The following CNTNAP2 variants were observed in gnomAD, a reference collection of about 807,000 sequenced individuals.
CNTNAP2 encodes contactin-associated protein-like 2.
CNTNAP2 carries 98 observed loss-of-function variants against 155.2 expected under a neutral mutation model. That is an observed-to-expected ratio of 0.63 (90% CI 0.54 to 0.75). The LOEUF is 0.75. Among genes scored for constraint, CNTNAP2 ranks in the 30% least tolerant of loss-of-function variants. The pLI, the probability that CNTNAP2 is intolerant of heterozygous loss-of-function variation, is 0.00. For synonymous variants in CNTNAP2, 651 were observed against 631.2 expected, an observed-to-expected ratio of 1.03 and a Z score of -0.47; for missense variants, 1,727 against 1,688.1, an observed-to-expected ratio of 1.02 and a Z score of -0.40.
At chr7:146,793,677 C>T (rs188293249) in intron 2 of CNTNAP2, among the ~76,000 whole-genome samples, 1 of 152,316 alleles carries the variant, frequency 6.6e-6, no homozygotes, top group Admixed American at 6.5e-5. Context: ...TTTGGGGGTT[C>T]CCCCTGGGTG....
chr7:147,183,947 C>A (rs539477462), intron 8 of CNTNAP2, among the ~76,000 whole-genome samples: 1 of 152,216 alleles, frequency 6.6e-6, no homozygotes, highest in South Asian at 2.1e-4. Flanking sequence ...CAGTAGTGAT[C>A]AGTGATGCAT....
chr7:147,528,874 A>AT (rs35262641), intron 11 of CNTNAP2, among the ~76,000 whole-genome samples: 14,047 of 152,216 alleles, frequency 0.092, 924 homozygotes, highest in Admixed American at 0.17. Context: ...ATCTTTTGTG[A>AT]TTTTTTAAAA....
At chr7:146,655,338 C>T (rs1037788339) in intron 1 of CNTNAP2, among the ~76,000 whole-genome samples, 2 of 138,038 alleles carry the variant, frequency 1.4e-5, no homozygotes, top group East Asian at 2.2e-4. Flanking sequence ...CACTTGAACT[C>T]GGGAGACAGA....
In CNTNAP2 at chr7:146,694,469, A is replaced by G. The variant is rs190537993; in HGVS notation, c.98-79802A>G. ...TTCTGTTACATTGATGTATTTGCCTATTCTTTCAATGATGCTACCCAGTCT... is the reference window on the plus strand; with the variant it reads ...TTCTGTTACATTGATGTATTTGCCTGTTCTTTCAATGATGCTACCCAGTCT... On this transcript the variant is annotated intron_variant, in intron 1 of 23. Coordinates refer to ENST00000361727, the MANE Select transcript of CNTNAP2 (RefSeq NM_014141.6). 4.3e-3 allele frequency among the ~76,000 whole-genome samples: 655 copies of G among 152,272 alleles called. 6 individuals are homozygous for G. The highest frequency in any genetic ancestry group is 0.015 in the African/African-American group (613 of 41,568).
chr7:148,251,401 A>C lies in CNTNAP2; in HGVS notation c.3382-15632A>C, dbSNP rs544810259. Among the ~76,000 whole-genome samples the C allele has an allele frequency of 2.0e-5, 3 of 152,340 alleles. No individual in the cohort carries two copies. In the South Asian group the frequency reaches 6.2e-4, roughly 32 times the overall value. ...CCTAAGGACACACTACCCTCCCTGCACATCAGTGTGTGACAATGCCCAGAG... is the reference window on the plus strand; with the variant it reads ...CCTAAGGACACACTACCCTCCCTGCCCATCAGTGTGTGACAATGCCCAGAG... On this transcript the variant is annotated intron_variant, in intron 20 of 23. Transcript: ENST00000361727.
At chr7:147,558,962 T>C (rs6464822) in intron 11 of CNTNAP2, among the ~76,000 whole-genome samples, 70,252 of 152,098 alleles carry the variant, frequency 0.46, 16,392 homozygotes, top group East Asian at 0.61. Context: ...AGGATGCTCT[T>C]AATCTCTTGA....
chr7:147,779,589 A>C (rs1797635456), intron 13 of CNTNAP2, among the ~76,000 whole-genome samples: 1 of 152,208 alleles, frequency 6.6e-6, no homozygotes, highest in Non-Finnish European at 1.5e-5. Context: ...CCCGAAGTGC[A>C]GGAAGATACA....
Position 147,977,858 on chromosome 7 carries a change from C to T in CNTNAP2, c.2256-4C>T. ...TTCTTTTTCTGTCTTTCCCTGTGATCCAGGAGGAAGGATGCTGGTTTCTTA... is the reference window on the plus strand; with the variant it reads ...TTCTTTTTCTGTCTTTCCCTGTGATTCAGGAGGAAGGATGCTGGTTTCTTA... On this transcript the variant is annotated splice_polypyrimidine_tract_variant and splice_region_variant and intron_variant, in intron 14 of 23. Coordinates refer to ENST00000361727, the MANE Select transcript of CNTNAP2 (RefSeq NM_014141.6). The T allele has an allele frequency of 6.2e-7, 1 of 1,613,994 alleles. No individual in the cohort carries two copies. Among genetic ancestry groups the T allele is most frequent in the Non-Finnish European group, 8.5e-7 (1 of 1,179,972 alleles).
chr7:146,825,882 A>G (rs1803390764), intron 2 of CNTNAP2, among the ~76,000 whole-genome samples: 3 of 152,186 alleles, frequency 2.0e-5, no homozygotes, highest in South Asian at 2.1e-4. Flanking sequence ...AAAAATTGGC[A>G]TATATAAATT....
At chr7:147,083,953 T>C (rs1324738624) in intron 4 of CNTNAP2, among the ~76,000 whole-genome samples, 1 of 94,840 alleles carries the variant, frequency 1.1e-5, no homozygotes, top group African/African-American at 3.3e-5. Context: ...TATAGCATTA[T>C]ATATAGCATT....
chr7:147,888,545 G>GT (rs1245860372), intron 13 of CNTNAP2, among the ~76,000 whole-genome samples: 1 of 151,744 alleles, frequency 6.6e-6, no homozygotes, highest in African/African-American at 2.4e-5. Context: ...GTGAATGATG[G>GT]CTAAAAATTG....
chr7:147,232,979 A>G (rs1275589422), intron 8 of CNTNAP2, among the ~76,000 whole-genome samples: 5 of 152,234 alleles, frequency 3.3e-5, no homozygotes, highest in African/African-American at 4.8e-5. Flanking sequence ...TTCTGTATTT[A>G]TGAACAAATT....
intron 1 of CNTNAP2, among the ~76,000 whole-genome samples, chr7:146,189,494 G>C (rs1282157817): frequency 6.6e-6 from 1 of 152,126 alleles, no homozygotes; most frequent in African/African-American, 2.4e-5. Flanking sequence ...TTAGTGGAAA[G>C]CTAAAAGTAT....
chr7:147,678,193 T>C (rs1470403739), intron 13 of CNTNAP2, among the ~76,000 whole-genome samples: 3 of 151,836 alleles, frequency 2.0e-5, no homozygotes, highest in East Asian at 3.9e-4. Flanking sequence ...GCCTTCAGTT[T>C]AGCTCATCAA....
rs377349703 is a variant in CNTNAP2 at position 146,603,281 on chromosome 7, G to A, written c.98-170990G>A. On this transcript the variant is annotated intron_variant, in intron 1 of 23. Coordinates refer to ENST00000361727, the MANE Select transcript of CNTNAP2 (RefSeq NM_014141.6). ...CAAAACATTAGCCGGGCGTGGTGGC[G>A]GGCGCCTGTAGTCCCAGCTACTCGA... is the stretch of plus-strand genomic sequence containing the variant. Among the ~76,000 whole-genome samples the A allele has an allele frequency of 5.6e-3, 847 of 150,748 alleles. 12 individuals carry two copies. The highest frequency in any genetic ancestry group is 0.018 in the African/African-American group (756 of 41,204).
chr7:147,135,331 A>G (rs1273689736), intron 8 of CNTNAP2, among the ~76,000 whole-genome samples: 1 of 151,758 alleles, frequency 6.6e-6, no homozygotes, highest in Non-Finnish European at 1.5e-5. Context: ...TGCAACATCA[A>G]CGTTTTCTGA....
intron 1 of CNTNAP2, among the ~76,000 whole-genome samples, chr7:146,536,208 A>G (rs532231150): frequency 6.6e-6 from 1 of 152,266 alleles, no homozygotes; most frequent in South Asian, 2.1e-4. Flanking sequence ...ATTACACAAT[A>G]TTCACTGGAA....
At chr7:148,267,261 A>G in intron 21 of CNTNAP2, 135 bp downstream of exon 21, 2 of 791,112 alleles carry the variant, frequency 2.5e-6, no homozygotes, top group Non-Finnish European at 4.3e-6. Flanking sequence ...CAGGAAAGTT[A>G]CGTGGTTGTT....
intron 4 of CNTNAP2, among the ~76,000 whole-genome samples, chr7:147,075,349 T>C (rs1799975535): frequency 1.3e-5 from 2 of 152,160 alleles, no homozygotes; most frequent in African/African-American, 4.8e-5. Context: ...TAATTTCCTT[T>C]ACTTTTATAT....
Sources: gnomAD v4.1 joint callset for allele counts (sites outside exome capture counted in the v4.1 genomes callset) on GRCh38, gnomAD v4.1.1 for gene constraint, MANE v1.5 for transcripts, NCBI Gene and HGNC (gene_info 2026-07-23, HGNC 2026-07-21) for gene names.